Variants in CDC14B observed in about 807,000 individuals in gnomAD.
CDC14B encodes the protein cell division cycle 14B.
A neutral mutation model predicts 64.2 loss-of-function variants in CDC14B; 22 were observed. The observed-to-expected ratio is 0.34, with a 90% CI of 0.24 to 0.49. The LOEUF is 0.49. Among genes scored for constraint, CDC14B ranks in the 20% least tolerant of loss-of-function variants. The pLI, the probability that CDC14B is intolerant of heterozygous loss-of-function variation, is 0.99. For missense variants in CDC14B, 498 were observed against 629.9 expected (o/e 0.79, Z 2.24); for synonymous variants, 191 against 215.8 (o/e 0.89, Z 1.01).
Position 96,523,745 on chromosome 9 carries a change from C to G in CDC14B, c.947-20G>C, listed in dbSNP as rs1246566247. 1 of 1,606,420 alleles carries G rather than the reference C, an allele frequency of 6.2e-7. No homozygotes were observed. The highest frequency in any genetic ancestry group is 1.7e-5 in the Admixed American group (1 of 59,592). On this transcript the variant is annotated intron_variant, in intron 9 of 13. Coordinates refer to ENST00000375241, the MANE Select transcript of CDC14B (RefSeq NM_033331.4). Reference sequence around the variant, plus strand: ...GGCCAGCTAGGAAAATAAAGAAGCACAGAAATGAAACTTGGGCTGATGTAC... The same window carrying G: ...GGCCAGCTAGGAAAATAAAGAAGCAGAGAAATGAAACTTGGGCTGATGTAC...
At chr9:96,578,291 T>C (rs1054177027) in intron 1 of CDC14B, among the ~76,000 whole-genome samples, 1 of 152,242 alleles carries the variant, frequency 6.6e-6, no homozygotes, top group Non-Finnish European at 1.5e-5. Context: ...TTCCAAATTA[T>C]ACACATGTAG....
intron 12 of CDC14B, among the ~76,000 whole-genome samples, chr9:96,521,133 G>C (rs183227103): frequency 4.0e-4 from 61 of 152,214 alleles, no homozygotes; most frequent in Non-Finnish European, 7.1e-4. Context: ...GCAATGGCAC[G>C]ATCTCGGCTC....
At chr9:96,546,615 A>T (rs953041208) in intron 5 of CDC14B, among the ~76,000 whole-genome samples, 3 of 151,948 alleles carry the variant, frequency 2.0e-5, no homozygotes, top group African/African-American at 7.2e-5. Context: ...ATGCCCTGCT[A>T]ATTTTTGTAT....
chr9:96,558,432 A>G (rs532461514), intron 4 of CDC14B, among the ~76,000 whole-genome samples: 1 of 152,342 alleles, frequency 6.6e-6, no homozygotes, highest in East Asian at 1.9e-4. Flanking sequence ...ACAATTATGT[A>G]CCAATAAAAA....
intron 1 of CDC14B, among the ~76,000 whole-genome samples, chr9:96,614,841 T>C (rs937554529): frequency 3.6e-4 from 55 of 152,186 alleles, no homozygotes; most frequent in African/African-American, 1.3e-3. Flanking sequence ...TTACACCGCC[T>C]GTTTTGTTTT....
chr9:96,619,400 G>C lies in CDC14B; in HGVS notation c.-22C>G. 8.6e-7 allele frequency: 1 copy of C among 1,169,326 alleles called. No homozygotes were observed. Among genetic ancestry groups the C allele is most frequent in the Non-Finnish European group, 1.1e-6 (1 of 948,610 alleles). The allele number at this position is 1,169,326 out of a possible 1,614,324, so 72.4% of individuals were successfully genotyped here. A position where few individuals can be genotyped will look rare whatever the true frequency, so the allele number is the denominator to read the frequency against. ...TCATGGAGGCGGCCGCGGCCCGTCA[G>C]GGGGCCACGACCATGGCCCCGCGCG... On this transcript the variant is annotated 5_prime_UTR_variant, in exon 1 of 14. Coordinates refer to ENST00000375241, the MANE Select transcript of CDC14B (RefSeq NM_033331.4).
At chr9:96,542,503 A>T (rs553713010) in intron 5 of CDC14B, among the ~76,000 whole-genome samples, 22 of 151,614 alleles carry the variant, frequency 1.5e-4, no homozygotes, top group African/African-American at 5.3e-4. Flanking sequence ...TTTTTTTTTT[A>T]AACTTTTTTA....
intron 13 of CDC14B, among the ~76,000 whole-genome samples, chr9:96,494,652 G>A (rs1340352347): frequency 6.6e-6 from 1 of 152,162 alleles, no homozygotes; most frequent in African/African-American, 2.4e-5. Flanking sequence ...GGGCCAATCA[G>A]TCCTCTGTGG....
At chr9:96,619,055 C>A (rs1847818583) in intron 1 of CDC14B, among the ~76,000 whole-genome samples, 164 bp downstream of exon 1, 2 of 145,152 alleles carry the variant, frequency 1.4e-5, no homozygotes. Context: ...CCTCAGGAGC[C>A]AGGCTCCTAA....
At chr9:96,610,238 C>T (rs1404573604) in intron 1 of CDC14B, among the ~76,000 whole-genome samples, 1 of 152,100 alleles carries the variant, frequency 6.6e-6, no homozygotes. Context: ...CACTCTGTCA[C>T]CCAGGGTGGA....
intron 12 of CDC14B, among the ~76,000 whole-genome samples, chr9:96,517,540 A>C (rs1306105525): frequency 7.1e-6 from 1 of 140,628 alleles, no homozygotes; most frequent in Non-Finnish European, 1.5e-5. Flanking sequence ...GCTACTCGGG[A>C]GGCTGAGGCA....
chr9:96,502,949 T>C lies in CDC14B; in HGVS notation c.*804A>G, dbSNP rs771546146. ...CTTCCATTCATGGAAGGAAATATGA[T>C]TTTAATTTGTATGACTGGCAACCAA... On this transcript the variant is annotated 3_prime_UTR_variant, in exon 14 of 14. Coordinates refer to ENST00000375241, the MANE Select transcript of CDC14B (RefSeq NM_033331.4). 9 of 398,390 alleles carry C rather than the reference T, an allele frequency of 2.3e-5. No homozygotes were observed. Among genetic ancestry groups the C allele is most frequent in the Non-Finnish European group, 4.0e-5 (9 of 226,018 alleles). 24.7% of individuals were successfully genotyped at this position (398,390 alleles called of 1,614,324 possible).
chr9:96,604,036 G>T (rs1220611434), intron 1 of CDC14B, among the ~76,000 whole-genome samples: 2 of 152,174 alleles, frequency 1.3e-5, no homozygotes, highest in Non-Finnish European at 2.9e-5. Context: ...CACACACTCT[G>T]TCTAGCTAAG....
intron 12 of CDC14B, among the ~76,000 whole-genome samples, chr9:96,517,509 G>A (rs183953381): frequency 0.013 from 1,962 of 149,400 alleles, 40 homozygotes; most frequent in African/African-American, 0.045. Flanking sequence ...AAAATTAGCC[G>A]GGCGTGGTGG....
intron 4 of CDC14B, among the ~76,000 whole-genome samples, chr9:96,557,166 C>G (rs545012612): frequency 1.3e-5 from 2 of 152,384 alleles, no homozygotes; most frequent in African/African-American, 4.8e-5. Flanking sequence ...AACTGTGATG[C>G]ACTGTGAGCA....
chr9:96,596,968 A>C (rs1035809877), intron 1 of CDC14B, among the ~76,000 whole-genome samples: 1 of 152,210 alleles, frequency 6.6e-6, no homozygotes, highest in Non-Finnish European at 1.5e-5. Context: ...AAATATTTAC[A>C]TAAGTAATGG....
chr9:96,619,098 TG>T (rs1847822697), intron 1 of CDC14B, 120 bp downstream of exon 1: 4 of 636,314 alleles, frequency 6.3e-6, no homozygotes, highest in Non-Finnish European at 8.2e-6. Context: ...TTTAAGGGGG[TG>T]GGGGCGAAGG....
intron 5 of CDC14B, among the ~76,000 whole-genome samples, chr9:96,542,942 A>G (rs960982576): frequency 1.3e-5 from 2 of 152,070 alleles, no homozygotes; most frequent in Non-Finnish European, 2.9e-5. Context: ...AGAGAGATGG[A>G]GGTTGCAGTG....
intron 1 of CDC14B, chr9:96,618,785 C>G: frequency 2.8e-6 from 1 of 352,452 alleles, no homozygotes; most frequent in Admixed American, 4.0e-5. Flanking sequence ...CAGGCGCGTT[C>G]AGCGCGCTCG....
Sources: allele counts gnomAD v4.1 joint callset (sites outside exome capture counted in the v4.1 genomes callset), GRCh38; gene constraint gnomAD v4.1.1; transcripts MANE v1.5; gene names NCBI Gene and HGNC (gene_info 2026-07-23, HGNC 2026-07-21).